RNASEH2B: variants seen among roughly 807,000 people sequenced by gnomAD.
The protein encoded by RNASEH2B is ribonuclease H2 subunit B.
In RNASEH2B, 36 loss-of-function variants were observed where a neutral mutation model predicts 45.0. The ratio of observed to expected loss-of-function variants is 0.80; its 90% CI spans 0.61 to 1.06. The LOEUF is 1.06. Among genes scored for constraint, RNASEH2B ranks in the 50% least tolerant of loss-of-function variants. The pLI, the probability that RNASEH2B is intolerant of heterozygous loss-of-function variation, is 0.00. For synonymous variants in RNASEH2B, 119 were observed against 125.7 expected (o/e 0.95, Z 0.35); for missense variants, 361 against 360.3 (o/e 1.00, Z -0.02).
intron 4 of RNASEH2B, among the ~76,000 whole-genome samples, chr13:50,933,541 T>A (rs1951708850): frequency 6.6e-6 from 1 of 152,244 alleles, no homozygotes. Context: ...TACACACTTT[T>A]GAAATGTGAC....
intron 4 of RNASEH2B, among the ~76,000 whole-genome samples, chr13:50,931,520 T>C (rs1951680859): frequency 6.6e-6 from 1 of 152,250 alleles, no homozygotes; most frequent in African/African-American, 2.4e-5. Context: ...TGTGGCATTG[T>C]TTTACATTTT....
rs181808434 is a variant in RNASEH2B at position 50,929,647 on chromosome 13, C to T, written c.244+65C>T. 1.0e-3 allele frequency: 1,064 copies of T among 1,058,890 alleles called. 2 individuals are homozygous for T. The highest frequency in any genetic ancestry group is 2.1e-3 in the East Asian group (82 of 39,864). 65.6% of individuals were successfully genotyped at this position (1,058,890 alleles called of 1,614,324 possible). A position where few individuals can be genotyped will look rare whatever the true frequency, so the allele number is the denominator to read the frequency against. Reference sequence around the variant, plus strand: ...TACTCCAGCTTTTCCATTCTTCACACGTGGGGTTGTGGGTCTGTCACCGGG... The same window carrying T: ...TACTCCAGCTTTTCCATTCTTCACATGTGGGGTTGTGGGTCTGTCACCGGG... On this transcript the variant is annotated intron_variant, in intron 3 of 10. Coordinates refer to ENST00000336617, the MANE Select transcript of RNASEH2B (RefSeq NM_024570.4).
At position 50,943,995 on chromosome 13, in the gene RNASEH2B, C is replaced by T. The variant is rs149589387; in HGVS notation, c.510+601C>T. Among the ~76,000 whole-genome samples, 62 of 123,106 alleles carry T rather than the reference C, an allele frequency of 5.0e-4. No homozygotes were observed. In the East Asian group the frequency reaches 0.011, roughly 22 times the overall value. The allele number at this position is 123,106 out of a possible 152,430, so 80.8% of individuals were successfully genotyped here. On this transcript the variant is annotated intron_variant, in intron 6 of 10. Coordinates refer to ENST00000336617, the MANE Select transcript of RNASEH2B (RefSeq NM_024570.4). ...TGAAACAGATTGTGATGGGATGGGA[C>T]GGGACAGGACGGGATGGGATGGGAC...
At chr13:50,931,447 C>G (rs1049445879) in intron 4 of RNASEH2B, among the ~76,000 whole-genome samples, 1 of 152,052 alleles carries the variant, frequency 6.6e-6, no homozygotes, top group Admixed American at 6.6e-5. Context: ...AATAATAAGG[C>G]CATTACATGT....
intron 10 of RNASEH2B, 146 bp from the exon 11 acceptor site, chr13:50,956,212 A>C: frequency 1.5e-6 from 1 of 660,658 alleles, no homozygotes; most frequent in Non-Finnish European, 2.6e-6. Context: ...AGAAATCAGA[A>C]CTTTTTCACT....
chr13:50,925,797 T>A (rs968278015), intron 1 of RNASEH2B, among the ~76,000 whole-genome samples: 4 of 152,202 alleles, frequency 2.6e-5, no homozygotes, highest in African/African-American at 9.6e-5. Flanking sequence ...GGGTCTTGTT[T>A]CTTTTTAGCC....
intron 1 of RNASEH2B, among the ~76,000 whole-genome samples, chr13:50,916,851 A>G (rs1879773540): frequency 6.6e-6 from 1 of 152,206 alleles, no homozygotes; most frequent in Non-Finnish European, 1.5e-5. Context: ...GCAGGTTCAC[A>G]TCCTCCCAGG....
intron 9 of RNASEH2B, chr13:50,950,181 A>G (rs189037251): frequency 1.3e-5 from 2 of 152,444 alleles, no homozygotes; most frequent in African/African-American, 4.8e-5. Flanking sequence ...AGACAGGGAA[A>G]TAAACATGTG....
chr13:50,934,871 A>G lies in RNASEH2B; in HGVS notation c.322-14A>G, dbSNP rs1445523982. 1 of 1,541,278 alleles carries G rather than the reference A, an allele frequency of 6.5e-7. No homozygotes were observed. Among genetic ancestry groups the G allele is most frequent in the Middle Eastern group, 1.7e-4 (1 of 5,940 alleles). ...TGAATGAAATGCTTGCTTTCCAACT[A>G]ACTGTTTTTTCAGGGGAAGTTTCAG... On this transcript the variant is annotated splice_polypyrimidine_tract_variant and intron_variant, in intron 4 of 10. Coordinates refer to ENST00000336617, the MANE Select transcript of RNASEH2B (RefSeq NM_024570.4).
At position 50,934,866 on chromosome 13, in the gene RNASEH2B, CAACT is replaced by C. The variant is rs1951726150; in HGVS notation, c.322-14_322-11del. 6 of 1,509,506 alleles carry C rather than the reference CAACT, an allele frequency of 4.0e-6. No homozygotes were observed. The highest frequency in any genetic ancestry group is 1.1e-5 in the South Asian group (1 of 87,738). 93.5% of individuals were successfully genotyped at this position (1,509,506 alleles called of 1,614,324 possible). A position where few individuals can be genotyped will look rare whatever the true frequency, so the allele number is the denominator to read the frequency against. On this transcript the variant is annotated splice_polypyrimidine_tract_variant and intron_variant, in intron 4 of 10. Coordinates refer to ENST00000336617, the MANE Select transcript of RNASEH2B (RefSeq NM_024570.4). Reference sequence around the variant, plus strand: ...TTTGTTGAATGAAATGCTTGCTTTCCAACTAACTGTTTTTTCAGGGGAAGTTTCA... The same window carrying C: ...TTTGTTGAATGAAATGCTTGCTTTCCAACTGTTTTTTCAGGGGAAGTTTCA...
At chr13:50,949,419 C>G in intron 8 of RNASEH2B, 44 bp from the exon 9 acceptor site, 1 of 1,590,868 alleles carries the variant, frequency 6.3e-7, no homozygotes, top group Non-Finnish European at 8.6e-7. Flanking sequence ...GTTTGTTTGT[C>G]TATGAAAAAC....
At chr13:50,939,289 A>G (rs150627271) in intron 5 of RNASEH2B, 5,842 of 151,912 alleles carry the variant, frequency 0.038, 170 homozygotes, top group Admixed American at 0.069. Flanking sequence ...CCCAGGAGGC[A>G]GAGCTTGCAG....
chr13:50,945,635 A>G lies in RNASEH2B; in HGVS notation c.616+103A>G, dbSNP rs978824382. ...AAAATCTTAATATCACAGAAGCCTC[A>G]TATTCCTACCAATGCCTCATACACA... On this transcript the variant is annotated intron_variant, in intron 7 of 10. Transcript: ENST00000336617. The G allele has an allele frequency of 1.3e-5, 10 of 776,162 alleles. No homozygotes were observed. In the Admixed American group the frequency reaches 1.7e-4, roughly 13 times the overall value. The allele number at this position is 776,162 out of a possible 1,614,324, so 48.1% of individuals were successfully genotyped here.
At position 50,943,389 on chromosome 13, in the gene RNASEH2B, A is replaced by G. The variant is rs1951857919; in HGVS notation, c.505A>G (p.Lys169Glu). ...SKEKTLKWLEKKVNQTVAALK... is the reference protein window; with the variant it reads ...SKEKTLKWLEEKVNQTVAALK... The stretch of plus-strand genomic sequence containing the variant: ...AGAGAAGACATTAAAGTGGCTGGAA[A>G]AAAAGGTATAGTTCCTCTCTAGTGC... The change falls in exon 6 of 11, where the codon AAA becomes GAA. Residue 169 changes from lysine to glutamate, a missense_variant. Physicochemically the swap from Lys to Glu is moderately conservative, Grantham distance 56. Transcript: ENST00000336617. 1.2e-6 allele frequency: 2 copies of G among 1,600,884 alleles called. No homozygotes were observed. Among genetic ancestry groups the G allele is most frequent in the South Asian group, 1.1e-5 (1 of 90,814 alleles).
intron 5 of RNASEH2B, among the ~76,000 whole-genome samples, chr13:50,939,381 G>A (rs1951806651): frequency 7.9e-6 from 1 of 126,942 alleles, no homozygotes; most frequent in Admixed American, 8.0e-5. Context: ...TTAGCCAGCT[G>A]TGGTGGTATG....
intron 2 of RNASEH2B, 114 bp downstream of exon 2, chr13:50,927,592 C>T: frequency 9.5e-6 from 7 of 739,462 alleles, no homozygotes; most frequent in East Asian, 2.6e-5. Flanking sequence ...GTTAAGATGG[C>T]ACCGTGAGGA....
At chr13:50,956,273 G>A in intron 10 of RNASEH2B, 85 bp from the exon 11 acceptor site, 1 of 1,129,136 alleles carries the variant, frequency 8.9e-7, no homozygotes. Flanking sequence ...AATGAAACTT[G>A]AGACATGCAG....
rs1444191534 is a variant in RNASEH2B, at chr13:50,969,514, T to C, written c.742-418T>C. ...GCTTCCTGCTTTTTATAAAAGGAAC[T>C]GCCTCTACAAAAAAAAAAAAAAAAG... is the stretch of plus-strand genomic sequence containing the variant. On this transcript the variant is annotated intron_variant, in intron 9 of 9. Coordinates refer to the RNASEH2B transcript ENST00000422660. Among the ~76,000 whole-genome samples, 11 of 123,082 alleles carry C rather than the reference T, an allele frequency of 8.9e-5. No individual in the cohort carries two copies. In the Admixed American group the frequency reaches 9.8e-4, roughly 11 times the overall value. The allele number at this position is 123,082 out of a possible 152,430, so 80.7% of individuals were successfully genotyped here.
At chr13:50,965,558 G>C (rs1435104779) in intron 9 of RNASEH2B, among the ~76,000 whole-genome samples, 1 of 152,208 alleles carries the variant, frequency 6.6e-6, no homozygotes, top group Non-Finnish European at 1.5e-5. Flanking sequence ...CAGGTGTTCA[G>C]CAATACAGTG....
Sources: allele counts gnomAD v4.1 joint callset (sites outside exome capture counted in the v4.1 genomes callset), GRCh38; gene constraint gnomAD v4.1.1; transcripts MANE v1.5; gene names NCBI Gene and HGNC (gene_info 2026-07-23, HGNC 2026-07-21).